Variants in SYT17 observed in about 807,000 individuals in gnomAD.
The protein encoded by SYT17 is synaptotagmin 17.
A neutral mutation model predicts 46.7 loss-of-function variants in SYT17; 22 were observed. The ratio of observed to expected loss-of-function variants is 0.47; its 90% CI spans 0.34 to 0.67. The LOEUF (loss-of-function observed/expected upper bound fraction) is 0.67, where lower values mean the gene tolerates loss of function less well. Among genes scored for constraint, SYT17 ranks in the 30% least tolerant of loss-of-function variants. The pLI, the probability that SYT17 is intolerant of heterozygous loss-of-function variation, is 0.01. For missense variants in SYT17, 519 were observed against 612.8 expected (o/e 0.85, Z 1.62); for synonymous variants, 251 against 248.4 (o/e 1.01, Z -0.10).
At position 19,244,226 on chromosome 16, in the gene SYT17, C is replaced by A. The variant is rs78397477; in HGVS notation, c.1228+19388C>A. Among the ~76,000 whole-genome samples the A allele has an allele frequency of 8.1e-3, 1,232 of 152,310 alleles. 21 individuals carry two copies. Among genetic ancestry groups the A allele is most frequent in the African/African-American group, 0.028 (1,178 of 41,568 alleles). On this transcript the variant is annotated intron_variant, in intron 7 of 7. Transcript: ENST00000355377. ...TGAAGCTCAGAGATCTCATATGACT[C>A]ACTACAAAGCTAGAAGTCACTGTAT...
At chr16:19,193,174 G>A (rs2142679531) in intron 5 of SYT17, among the ~76,000 whole-genome samples, 1 of 152,354 alleles carries the variant, frequency 6.6e-6, no homozygotes, top group East Asian at 1.9e-4. Context: ...AGCTGCTTCA[G>A]TGGCCGGTGT....
intron 7 of SYT17, among the ~76,000 whole-genome samples, chr16:19,254,432 C>T (rs1437499239): frequency 1.3e-5 from 2 of 152,178 alleles, no homozygotes; most frequent in Non-Finnish European, 2.9e-5. Flanking sequence ...GCCCCCAACC[C>T]CAAACCAATC....
chr16:19,207,275 C>T lies in SYT17; in HGVS notation c.952-15770C>T, dbSNP rs139390313. 3.0e-3 allele frequency among the ~76,000 whole-genome samples: 454 copies of T among 152,302 alleles called. 1 individual carries two copies. Among genetic ancestry groups the T allele is most frequent in the Middle Eastern group, 0.01 (3 of 294 alleles). ...AATCCTCTTTTCTTTATAAATTACC[C>T]AGCCTCAGTTATTCTTCTATAGCAA... On this transcript the variant is annotated intron_variant, in intron 5 of 7. Transcript: ENST00000355377.
intron 5 of SYT17, among the ~76,000 whole-genome samples, chr16:19,188,513 C>CAAAAAAAAAAAAAAAAA (rs61202540): frequency 2.2e-3 from 140 of 64,554 alleles, no homozygotes; most frequent in African/African-American, 3.5e-3. Flanking sequence ...TTCAGTTCTG[C>CAAAAAAAAAAAAAAAAA]AAAAAAAAAA....
chr16:19,188,367 G>GA (rs1964865426), intron 5 of SYT17, among the ~76,000 whole-genome samples: 1 of 151,898 alleles, frequency 6.6e-6, no homozygotes, highest in Non-Finnish European at 1.5e-5. Flanking sequence ...AGAGGATCAG[G>GA]AAAAACAACT....
intron 5 of SYT17, among the ~76,000 whole-genome samples, chr16:19,221,800 G>A (rs757268326): frequency 6.6e-6 from 1 of 152,152 alleles, no homozygotes; most frequent in African/African-American, 2.4e-5. Context: ...ACAGATAATA[G>A]ATGGTTAGAT....
chr16:19,237,627 C>G (rs975764711), intron 7 of SYT17, among the ~76,000 whole-genome samples: 1 of 152,214 alleles, frequency 6.6e-6, no homozygotes, highest in Admixed American at 6.5e-5. Flanking sequence ...TACAAAACTG[C>G]CCTGAGCTGC....
At chr16:19,189,973 A>T (rs1964948319) in intron 5 of SYT17, among the ~76,000 whole-genome samples, 1 of 152,206 alleles carries the variant, frequency 6.6e-6, no homozygotes, top group Admixed American at 6.5e-5. Context: ...CATTCAGGAA[A>T]CTGGCAGCTA....
At chr16:19,209,059 G>A (rs1965787372) in intron 5 of SYT17, among the ~76,000 whole-genome samples, 1 of 151,692 alleles carries the variant, frequency 6.6e-6, no homozygotes, top group Non-Finnish European at 1.5e-5. Context: ...AGTAGAGATG[G>A]AGTTTCACCA....
intron 5 of SYT17, among the ~76,000 whole-genome samples, chr16:19,197,316 A>T (rs1267537912): frequency 1.3e-5 from 2 of 148,166 alleles, no homozygotes; most frequent in Non-Finnish European, 3.0e-5. Flanking sequence ...CTTCCTCCTT[A>T]AATAGAAATT....
intron 7 of SYT17, among the ~76,000 whole-genome samples, chr16:19,256,338 A>C (rs527752270): frequency 1.3e-5 from 2 of 151,974 alleles, no homozygotes; most frequent in African/African-American, 4.8e-5. Flanking sequence ...AAGGGCCTCA[A>C]CATGGCGCCT....
intron 7 of SYT17, among the ~76,000 whole-genome samples, chr16:19,264,596 C>CTTTTTT (rs58368073): frequency 6.9e-6 from 1 of 145,436 alleles, no homozygotes. Flanking sequence ...TTTCCCCCAC[C>CTTTTTT]TTTTTTTTTT....
chr16:19,243,688 C>T (rs1266287265), intron 7 of SYT17, among the ~76,000 whole-genome samples: 2 of 151,770 alleles, frequency 1.3e-5, no homozygotes, highest in African/African-American at 4.8e-5. Flanking sequence ...CATGGTGACT[C>T]ATGCCTGTAA....
At chr16:19,226,229 C>G (rs1966491374) in intron 7 of SYT17, among the ~76,000 whole-genome samples, 1 of 152,130 alleles carries the variant, frequency 6.6e-6, no homozygotes, top group East Asian at 1.9e-4. Flanking sequence ...CTGGTCTTGC[C>G]AGCTCCACAT....
intron 5 of SYT17, among the ~76,000 whole-genome samples, chr16:19,185,271 T>A (rs897890331): frequency 6.6e-6 from 1 of 152,148 alleles, no homozygotes; most frequent in Non-Finnish European, 1.5e-5. Context: ...GAGGGGGCTT[T>A]GGCCACCATG....
At position 19,172,751 on chromosome 16, in the gene SYT17, A is replaced by C. The variant is rs1197614748; in HGVS notation, c.16-9A>C. The C allele has an allele frequency of 6.2e-7, 1 of 1,613,902 alleles. No homozygotes were observed. Among genetic ancestry groups the C allele is most frequent in the Non-Finnish European group, 8.5e-7 (1 of 1,179,998 alleles). On this transcript the variant is annotated splice_polypyrimidine_tract_variant and intron_variant, in intron 1 of 7. Transcript: ENST00000355377. Reference sequence around the variant, plus strand: ...GCCCTTGGCTTCATCGTGGATCTTAAAAGGGCAGTTGGAACCATTAAACGA... The same window carrying C: ...GCCCTTGGCTTCATCGTGGATCTTACAAGGGCAGTTGGAACCATTAAACGA...
At chr16:19,176,697 G>A (rs1453291852) in intron 3 of SYT17, among the ~76,000 whole-genome samples, 1 of 152,094 alleles carries the variant, frequency 6.6e-6, no homozygotes, top group Non-Finnish European at 1.5e-5. Context: ...ATCACCCCTT[G>A]TAGAGATAGG....
At chr16:19,172,605 TC>T in intron 1 of SYT17, 154 bp from the exon 2 acceptor site, 1 of 1,530,930 alleles carries the variant, frequency 6.5e-7, no homozygotes, top group African/African-American at 1.4e-5. Flanking sequence ...TCAGCTCCCT[TC>T]CCAGGATGGT....
intron 7 of SYT17, among the ~76,000 whole-genome samples, chr16:19,232,308 G>T (rs1050363277): frequency 1.3e-5 from 2 of 152,188 alleles, no homozygotes; most frequent in African/African-American, 4.8e-5. Flanking sequence ...TAAGACTAGA[G>T]AATATGGCGT....
Sources: allele counts gnomAD v4.1 joint callset (sites outside exome capture counted in the v4.1 genomes callset), GRCh38; gene constraint gnomAD v4.1.1; transcripts MANE v1.5; gene names NCBI Gene and HGNC (gene_info 2026-07-23, HGNC 2026-07-21).